Variants in PTPRT observed in about 807,000 individuals in gnomAD.
The protein encoded by PTPRT is protein tyrosine phosphatase receptor type T, also known as receptor-type tyrosine-protein phosphatase T.
A neutral mutation model predicts 176.8 loss-of-function variants in PTPRT; 56 were observed. The ratio of observed to expected loss-of-function variants is 0.32; its 90% CI spans 0.26 to 0.40. PTPRT has a LOEUF of 0.40. Ranked by LOEUF, PTPRT falls within the 10% of genes least tolerant of loss-of-function variation. PTPRT has a pLI of 1.00. For missense variants in PTPRT, 1,540 were observed against 1,908.2 expected, an observed-to-expected ratio of 0.81 and a Z score of 3.60; for synonymous variants, 783 against 739.0, an observed-to-expected ratio of 1.06 and a Z score of -0.96.
intron 2 of PTPRT, among the ~76,000 whole-genome samples, chr20:42,818,331 A>G (rs987556276): frequency 3.3e-5 from 5 of 151,892 alleles, no homozygotes; most frequent in African/African-American, 1.2e-4. Context: ...AGTGACAACA[A>G]CAGCATCAAC....
intron 7 of PTPRT, among the ~76,000 whole-genome samples, chr20:42,667,165 A>G (rs1442721430): frequency 1.3e-5 from 2 of 152,188 alleles, no homozygotes; most frequent in Non-Finnish European, 2.9e-5. Context: ...AAAACACCCA[A>G]CTGGGCCATG....
chr20:42,758,208 C>A (rs1189573681), intron 5 of PTPRT, among the ~76,000 whole-genome samples: 1 of 152,216 alleles, frequency 6.6e-6, no homozygotes, highest in Non-Finnish European at 1.5e-5. Context: ...TTATGATTCT[C>A]ATGCCCTGAG....
chr20:43,081,212 G>A (rs1269195742), intron 1 of PTPRT, among the ~76,000 whole-genome samples: 1 of 152,170 alleles, frequency 6.6e-6, no homozygotes, highest in Non-Finnish European at 1.5e-5. Context: ...GAACCAGGCA[G>A]GGATTATCTA....
At chr20:43,108,672 T>C (rs1255646671) in intron 1 of PTPRT, among the ~76,000 whole-genome samples, 1 of 151,808 alleles carries the variant, frequency 6.6e-6, no homozygotes, top group Non-Finnish European at 1.5e-5. Context: ...AATAAAGCAC[T>C]CCAAATTCCC....
intron 7 of PTPRT, among the ~76,000 whole-genome samples, chr20:42,575,540 G>A (rs2073242832): frequency 2.0e-5 from 3 of 152,110 alleles, no homozygotes; most frequent in Admixed American, 1.3e-4. Flanking sequence ...ACTTCCCACA[G>A]TGCTTTGCAC....
At chr20:42,445,861 T>G (rs554450732) in intron 9 of PTPRT, among the ~76,000 whole-genome samples, 1 of 152,252 alleles carries the variant, frequency 6.6e-6, no homozygotes, top group South Asian at 2.1e-4. Flanking sequence ...GTACCCACCT[T>G]TGTGCATGGG....
chr20:42,427,282 G>T (rs761917547), intron 9 of PTPRT, among the ~76,000 whole-genome samples: 1 of 152,136 alleles, frequency 6.6e-6, no homozygotes, highest in Non-Finnish European at 1.5e-5. Flanking sequence ...ACACAAAAAG[G>T]GAAGGTCTTT....
intron 5 of PTPRT, among the ~76,000 whole-genome samples, chr20:42,764,652 C>A (rs2076958405): frequency 6.6e-6 from 1 of 152,130 alleles, no homozygotes; most frequent in African/African-American, 2.4e-5. Flanking sequence ...CTGTGTAATT[C>A]CGAGGATGTC....
chr20:42,970,669 T>A (rs760884488), intron 1 of PTPRT, among the ~76,000 whole-genome samples: 1 of 152,196 alleles, frequency 6.6e-6, no homozygotes, highest in African/African-American at 2.4e-5. Context: ...GACAGACAGA[T>A]GATTAGGATG....
At chr20:42,548,858 C>G (rs574951130) in intron 7 of PTPRT, among the ~76,000 whole-genome samples, 1 of 152,232 alleles carries the variant, frequency 6.6e-6, no homozygotes, top group Non-Finnish European at 1.5e-5. Context: ...GAGCATTGGA[C>G]TGATGCTCCA....
rs59772484 is a variant in PTPRT, at chr20:43,025,962, G to A, written c.89-140030C>T. On this transcript the variant is annotated intron_variant, in intron 1 of 30. Coordinates refer to ENST00000373187, the MANE Select transcript of PTPRT (RefSeq NM_007050.6). ...ACACAGCAGGTGTCTGACTGGAAGA[G>A]GAGGCATCATTCACTTGGATGTTTA... Among the ~76,000 whole-genome samples, 333 of 152,286 alleles carry A rather than the reference G, an allele frequency of 2.2e-3. 6 individuals are homozygous for A. The East Asian group carries it at 0.054, about 25-fold the overall frequency.
chr20:42,093,988 T>G (rs1343792425), intron 27 of PTPRT, among the ~76,000 whole-genome samples: 1 of 152,252 alleles, frequency 6.6e-6, no homozygotes, highest in East Asian at 1.9e-4. Flanking sequence ...CTGATGTTTT[T>G]GCATTTAGAG....
chr20:42,675,168 A>G (rs1344878144), intron 7 of PTPRT, among the ~76,000 whole-genome samples: 1 of 152,154 alleles, frequency 6.6e-6, no homozygotes, highest in African/African-American at 2.4e-5. Context: ...ACAGGCTGCA[A>G]GTCACTCACA....
the PTPRT span, chr20:42,063,833 T>C: frequency 9.2e-5 from 14 of 152,076 alleles, no homozygotes; most frequent in African/African-American, 1.9e-4. Context: ...CCCAACTTTA[T>C]TGGTAAAATT....
chr20:42,282,588 A>G lies in PTPRT; in HGVS notation c.2140-63T>C, dbSNP rs578178750. The G allele has an allele frequency of 3.7e-6, 5 of 1,343,416 alleles. No homozygotes were observed. The South Asian group carries it at 5.1e-5, about 14-fold the overall frequency. 83.2% of individuals were successfully genotyped at this position (1,343,416 alleles called of 1,614,324 possible). ...GTGAGTTATATAAAATTGTTATATA[A>G]AGACAAAAATACATATATATTTGCA... On this transcript the variant is annotated intron_variant, in intron 12 of 30. Transcript: ENST00000373187.
intron 1 of PTPRT, among the ~76,000 whole-genome samples, chr20:43,056,169 G>C (rs988592771): frequency 4.6e-5 from 7 of 152,226 alleles, no homozygotes; most frequent in African/African-American, 1.7e-4. Flanking sequence ...CCTGAAATGG[G>C]GGCTGTAATG....
chr20:42,402,857 C>T (rs919033796), intron 9 of PTPRT, among the ~76,000 whole-genome samples: 10 of 151,854 alleles, frequency 6.6e-5, no homozygotes, highest in African/African-American at 2.2e-4. Context: ...TGTGTGTATA[C>T]ACATGCGTGT....
intron 27 of PTPRT, among the ~76,000 whole-genome samples, chr20:42,090,558 C>T (rs2039528619): frequency 6.6e-6 from 1 of 152,154 alleles, no homozygotes; most frequent in South Asian, 2.1e-4. Context: ...AAAATGCATA[C>T]TGTGCATGTA....
At chr20:42,593,401 C>T (rs13039393) in intron 7 of PTPRT, among the ~76,000 whole-genome samples, 30,258 of 152,154 alleles carry the variant, frequency 0.2, 3,399 homozygotes, top group Non-Finnish European at 0.26. Context: ...CTCTCAGTCA[C>T]TCTCTAATAC....
Sources: allele counts gnomAD v4.1 joint callset (sites outside exome capture counted in the v4.1 genomes callset), GRCh38; gene constraint gnomAD v4.1.1; transcripts MANE v1.5; gene names NCBI Gene and HGNC (gene_info 2026-07-23, HGNC 2026-07-21).